TRDN: variants seen among roughly 807,000 people sequenced by gnomAD.
The protein encoded by TRDN is triadin in skeletal muscle.
In TRDN, 161 loss-of-function variants were observed where a neutral mutation model predicts 149.7. The observed-to-expected ratio is 1.08, with a 90% CI of 0.95 to 1.23. The LOEUF is 1.23. Ranked by LOEUF, TRDN falls within the 50% of genes most tolerant of loss-of-function variation. The pLI, the probability that TRDN is intolerant of heterozygous loss-of-function variation, is 0.00. For synonymous variants in TRDN, 294 were observed against 250.5 expected (o/e 1.17, Z -1.64); for missense variants, 896 against 823.5 (o/e 1.09, Z -1.08).
Position 123,266,648 on chromosome 6 carries a change from A to T in TRDN, c.1783+1059T>A, listed in dbSNP as rs1192756133. ...TATATTATAATATGTATTATATTAT[A>T]ATAATATGTATAATATGTATATATT... On this transcript the variant is annotated intron_variant, in intron 32 of 40. Coordinates refer to ENST00000334268, the MANE Select transcript of TRDN (RefSeq NM_006073.4). Among the ~76,000 whole-genome samples, 2 of 53,324 alleles carry T rather than the reference A, an allele frequency of 3.8e-5. 1 individual carries two copies. The highest frequency in any genetic ancestry group is 6.3e-5 in the Non-Finnish European group (2 of 31,764). The allele number at this position is 53,324 out of a possible 152,430, so 35.0% of individuals were successfully genotyped here.
At position 123,393,695 on chromosome 6, in the gene TRDN, A is replaced by G. The variant is rs1215339544; in HGVS notation, c.1052-18T>C. 1 of 1,594,008 alleles carries G rather than the reference A, an allele frequency of 6.3e-7. No individual in the cohort carries two copies. The highest frequency in any genetic ancestry group is 8.6e-7 in the Non-Finnish European group (1 of 1,168,260). Reference sequence around the variant, plus strand: ...TCCCGGCTCTTGGAATGAAAAAAACATAAATTACCATGAAGTATGATTTTG... The same window carrying G: ...TCCCGGCTCTTGGAATGAAAAAAACGTAAATTACCATGAAGTATGATTTTG... On this transcript the variant is annotated intron_variant, in intron 12 of 40. Coordinates refer to ENST00000334268, the MANE Select transcript of TRDN (RefSeq NM_006073.4).
At position 123,360,042 on chromosome 6, in the gene TRDN, G is replaced by T. The variant is rs547804861; in HGVS notation, c.1321+6093C>A. 5.9e-5 allele frequency among the ~76,000 whole-genome samples: 9 copies of T among 152,024 alleles called. No homozygotes were observed. In the East Asian group the frequency reaches 1.5e-3, roughly 26 times the overall value. On this transcript the variant is annotated intron_variant, in intron 20 of 40. Coordinates refer to ENST00000334268, the MANE Select transcript of TRDN (RefSeq NM_006073.4). ...TTTATTTTTTATTATTTTAAGTTCC[G>T]GGGTACAAGTGCAGGAAGCGCAGGT...
intron 9 of TRDN, chr6:123,471,619 T>C (rs1237313310): frequency 2.0e-5 from 3 of 152,228 alleles, no homozygotes; most frequent in Non-Finnish European, 2.9e-5. Flanking sequence ...ACTGGAACGG[T>C]TTCTTTGCTT....
intron 9 of TRDN, among the ~76,000 whole-genome samples, chr6:123,465,603 A>T (rs111309379): frequency 1.5e-5 from 2 of 131,676 alleles, no homozygotes; most frequent in African/African-American, 6.2e-5. Context: ...AAAAAAAAAA[A>T]AGAGAGAGAG....
intron 23 of TRDN, among the ~76,000 whole-genome samples, chr6:123,324,040 G>A (rs1289411719): frequency 6.6e-6 from 1 of 152,106 alleles, no homozygotes; most frequent in Non-Finnish European, 1.5e-5. Context: ...CAGCTAATGA[G>A]CCTGCTGACT....
chr6:123,633,090 A>G (rs1426994038), intron 1 of TRDN, among the ~76,000 whole-genome samples: 1 of 152,096 alleles, frequency 6.6e-6, no homozygotes, highest in Admixed American at 6.6e-5. Flanking sequence ...GTAATAGTTT[A>G]TAAGTTGAGA....
chr6:123,306,270 A>G (rs1053019039), intron 24 of TRDN, among the ~76,000 whole-genome samples: 1 of 152,132 alleles, frequency 6.6e-6, no homozygotes, highest in East Asian at 1.9e-4. Flanking sequence ...AATGTGGCCT[A>G]AGTCTCTGAT....
At position 123,254,902 on chromosome 6, in the gene TRDN, A is replaced by C. The variant is rs1296291936; in HGVS notation, c.1951+179T>G. Reference sequence around the variant, plus strand: ...AGTTCTGATTTCTTCATGTTTTCTTATTTTCTATTGAAATATAAGCTTTCT... The same window carrying C: ...AGTTCTGATTTCTTCATGTTTTCTTCTTTTCTATTGAAATATAAGCTTTCT... On this transcript the variant is annotated intron_variant, in intron 37 of 40. Transcript: ENST00000334268. The C allele has an allele frequency of 9.4e-6, 5 of 531,688 alleles. No individual in the cohort carries two copies. The Admixed American group carries it at 1.2e-4, about 13-fold the overall frequency. 32.9% of individuals were successfully genotyped at this position (531,688 alleles called of 1,614,324 possible).
intron 5 of TRDN, among the ~76,000 whole-genome samples, chr6:123,523,567 A>C (rs1487719844): frequency 6.6e-6 from 1 of 152,136 alleles, no homozygotes; most frequent in Non-Finnish European, 1.5e-5. Context: ...CTGAGGGGTT[A>C]ATGCTGGGAA....
At chr6:123,350,993 G>T in intron 21 of TRDN, 1 of 984,784 alleles carries the variant, frequency 1.0e-6, no homozygotes, top group South Asian at 4.7e-5. Context: ...TCAGAAGAAA[G>T]AAACAATGTT....
At chr6:123,305,927 T>G (rs1778591874) in intron 24 of TRDN, among the ~76,000 whole-genome samples, 2 of 152,300 alleles carry the variant, frequency 1.3e-5, no homozygotes, top group Non-Finnish European at 2.9e-5. Flanking sequence ...AAACTACTAC[T>G]CAGTGGCTAT....
chr6:123,543,573 A>G (rs1037639780), intron 4 of TRDN, among the ~76,000 whole-genome samples: 1 of 152,148 alleles, frequency 6.6e-6, no homozygotes, highest in Non-Finnish European at 1.5e-5. Context: ...TTCTATTACA[A>G]TCATGCTCAA....
intron 1 of TRDN, among the ~76,000 whole-genome samples, chr6:123,592,980 G>T (rs139265233): frequency 6.6e-6 from 1 of 151,946 alleles, no homozygotes; most frequent in Admixed American, 6.6e-5. Context: ...TTCAAATTTG[G>T]ATATTAAACT....
chr6:123,301,752 C>CATATATATATATACGT (rs1778410499), intron 24 of TRDN, among the ~76,000 whole-genome samples: 1 of 77,070 alleles, frequency 1.3e-5, no homozygotes, highest in African/African-American at 4.4e-5. Context: ...TATATATATA[C>CATATATATATATACGT]ATATATATAT....
intron 4 of TRDN, among the ~76,000 whole-genome samples, chr6:123,535,887 G>A (rs1223899856): frequency 6.6e-6 from 1 of 152,072 alleles, no homozygotes; most frequent in Non-Finnish European, 1.5e-5. Context: ...ATAGGAAAAT[G>A]TAGACATAGA....
Position 123,548,626 on chromosome 6 carries a change from A to T in TRDN, c.233-14T>A, listed in dbSNP as rs1583224874. On this transcript the variant is annotated splice_polypyrimidine_tract_variant and intron_variant, in intron 2 of 40. Coordinates refer to ENST00000334268, the MANE Select transcript of TRDN (RefSeq NM_006073.4). The stretch of plus-strand genomic sequence containing the variant: ...CAATAGAGCTTGCTAAAAGTAATTA[A>T]AAAAAAAAAAAAAGAAAAAGTTTGT... The T allele has an allele frequency of 2.9e-5, 6 of 203,446 alleles. No homozygotes were observed. The highest frequency in any genetic ancestry group is 1.3e-4 in the Admixed American group (1 of 7,446). The allele number at this position is 203,446 out of a possible 1,614,324, so 12.6% of individuals were successfully genotyped here. A position where few individuals can be genotyped will look rare whatever the true frequency, so the allele number is the denominator to read the frequency against.
chr6:123,239,487 A>G (rs1030107184), intron 38 of TRDN, among the ~76,000 whole-genome samples: 1 of 152,170 alleles, frequency 6.6e-6, no homozygotes, highest in Non-Finnish European at 1.5e-5. Flanking sequence ...ATTTACTGAA[A>G]CTAATATATT....
intron 1 of TRDN, among the ~76,000 whole-genome samples, chr6:123,606,706 T>C (rs1025119373): frequency 2.0e-5 from 3 of 152,168 alleles, no homozygotes; most frequent in Admixed American, 6.6e-5. Flanking sequence ...ATATTCTTTG[T>C]TATGTATAAA....
chr6:123,405,750 T>C (rs890368793), intron 12 of TRDN, among the ~76,000 whole-genome samples: 19 of 152,094 alleles, frequency 1.2e-4, no homozygotes, highest in African/African-American at 4.1e-4. Flanking sequence ...AACAAATAAC[T>C]GCAAATTTTT....
Sources: allele counts gnomAD v4.1 joint callset (sites outside exome capture counted in the v4.1 genomes callset), GRCh38; gene constraint gnomAD v4.1.1; transcripts MANE v1.5; gene names NCBI Gene and HGNC (gene_info 2026-07-23, HGNC 2026-07-21).